ZNF804A: variants seen among roughly 807,000 people sequenced by gnomAD.
ZNF804A encodes the protein zinc finger protein 804A.
ZNF804A carries 2 observed loss-of-function variants against 16.5 expected under a neutral mutation model. The ratio of observed to expected loss-of-function variants is 0.12; its 90% CI spans 0.05 to 0.38. The LOEUF (loss-of-function observed/expected upper bound fraction) is 0.38, where lower values mean the gene tolerates loss of function less well. Ranked by LOEUF, ZNF804A falls within the 10% of genes least tolerant of loss-of-function variation. The pLI is 0.99. For synonymous variants in ZNF804A, 534 were observed against 489.6 expected, an observed-to-expected ratio of 1.09 and a Z score of -1.20; for missense variants, 1,473 against 1,390.7, an observed-to-expected ratio of 1.06 and a Z score of -0.94.
At chr2:184,817,035 T>C (rs1349331213) in intron 1 of ZNF804A, among the ~76,000 whole-genome samples, 1 of 151,996 alleles carries the variant, frequency 6.6e-6, no homozygotes, top group Non-Finnish European at 1.5e-5. Flanking sequence ...AAGAGGGCAG[T>C]ATTAACACTG....
chr2:184,920,791 C>T (rs1464160977), intron 2 of ZNF804A, among the ~76,000 whole-genome samples: 1 of 152,186 alleles, frequency 6.6e-6, no homozygotes, highest in Non-Finnish European at 1.5e-5. Context: ...CAATAAGAAG[C>T]CCAGGCTCTC....
intron 2 of ZNF804A, among the ~76,000 whole-genome samples, chr2:184,899,023 A>G (rs1291188999): frequency 6.6e-6 from 1 of 152,018 alleles, no homozygotes; most frequent in African/African-American, 2.4e-5. Context: ...GTTTGATTTT[A>G]TATTCATTAA....
At chr2:184,832,112 A>G (rs1306181265) in intron 1 of ZNF804A, among the ~76,000 whole-genome samples, 1 of 152,072 alleles carries the variant, frequency 6.6e-6, no homozygotes, top group Non-Finnish European at 1.5e-5. Flanking sequence ...CCAATTAACT[A>G]TGCAATTTGT....
chr2:184,664,215 A>G (rs1344161592), intron 1 of ZNF804A, among the ~76,000 whole-genome samples: 1 of 152,158 alleles, frequency 6.6e-6, no homozygotes, highest in African/African-American at 2.4e-5. Context: ...AAATGTTCAT[A>G]TATTATAAAG....
chr2:184,846,849 C>G (rs1415270666), intron 1 of ZNF804A, among the ~76,000 whole-genome samples: 1 of 151,984 alleles, frequency 6.6e-6, no homozygotes, highest in Non-Finnish European at 1.5e-5. Context: ...AACAGATGCC[C>G]CAATGAGGCA....
chr2:184,908,530 C>T lies in ZNF804A; in HGVS notation c.256-25073C>T, dbSNP rs115558148. 5.3e-3 allele frequency among the ~76,000 whole-genome samples: 807 copies of T among 152,124 alleles called. 9 individuals carry two copies. The highest frequency in any genetic ancestry group is 0.018 in the African/African-American group (766 of 41,514). On this transcript the variant is annotated intron_variant, in intron 2 of 3. Transcript: ENST00000302277. Reference sequence around the variant, plus strand: ...CATGATCTGGGGATTAGGAAATGAACATTTAAGGGGAACATTATTCTGTCT... The same window carrying T: ...CATGATCTGGGGATTAGGAAATGAATATTTAAGGGGAACATTATTCTGTCT...
At chr2:184,623,953 T>A (rs1691456404) in intron 1 of ZNF804A, among the ~76,000 whole-genome samples, 1 of 152,180 alleles carries the variant, frequency 6.6e-6, no homozygotes, top group Non-Finnish European at 1.5e-5. Context: ...AAGATACTTC[T>A]GGAATAATAT....
Position 184,937,652 on chromosome 2 carries a change from G to C in ZNF804A, c.2256G>C (p.Gln752His). 1 of 1,613,964 alleles carries C rather than the reference G, an allele frequency of 6.2e-7. No individual in the cohort carries two copies. The highest frequency in any genetic ancestry group is 8.5e-7 in the Non-Finnish European group (1 of 1,179,948). ...ATATGAAACACATGAGTCAGAATCA[G>C]GCTGTTAAAAGAGGTTACAATTCTG... ...QNDMKHMSQN[Q>H]AVKRGYNSVM... Residue 752 changes from glutamine to histidine, a missense_variant, in exon 4 of 4, where the codon CAG becomes CAC. By Grantham distance (24) the Gln-to-His change is conservative. Transcript: ENST00000302277.
At chr2:184,911,833 T>C (rs774740793) in intron 2 of ZNF804A, among the ~76,000 whole-genome samples, 2 of 152,010 alleles carry the variant, frequency 1.3e-5, no homozygotes, top group African/African-American at 2.4e-5. Flanking sequence ...TGTTCTGCAT[T>C]TTATTTCTTT....
intron 1 of ZNF804A, among the ~76,000 whole-genome samples, chr2:184,823,605 A>G (rs1695117855): frequency 6.6e-6 from 1 of 152,148 alleles, no homozygotes; most frequent in South Asian, 2.1e-4. Context: ...CAAATATGCC[A>G]TTAATGTGTG....
At chr2:184,798,766 T>C (rs1440296918) in intron 1 of ZNF804A, among the ~76,000 whole-genome samples, 1 of 152,150 alleles carries the variant, frequency 6.6e-6, no homozygotes, top group Non-Finnish European at 1.5e-5. Context: ...TTGGATCCAT[T>C]GCTGGTGAAT....
chr2:184,808,135 T>C (rs192150910), intron 1 of ZNF804A, among the ~76,000 whole-genome samples: 3 of 151,776 alleles, frequency 2.0e-5, no homozygotes, highest in Admixed American at 1.3e-4. Flanking sequence ...TAGAATTCTA[T>C]ACTTTTCATT....
chr2:184,875,650 C>A (rs895944734), intron 2 of ZNF804A, among the ~76,000 whole-genome samples: 1 of 151,660 alleles, frequency 6.6e-6, no homozygotes, highest in Admixed American at 6.6e-5. Flanking sequence ...CATCATAAAT[C>A]AGCAATATGT....
intron 3 of ZNF804A, among the ~76,000 whole-genome samples, chr2:184,934,793 A>T (rs1049879554): frequency 2.6e-5 from 4 of 152,160 alleles, no homozygotes; most frequent in Non-Finnish European, 5.9e-5. Context: ...TATAAAGCAC[A>T]TATTTTACAT....
intron 1 of ZNF804A, among the ~76,000 whole-genome samples, chr2:184,746,779 A>G (rs188273520): frequency 5.9e-5 from 9 of 151,590 alleles, no homozygotes; most frequent in Admixed American, 3.3e-4. Flanking sequence ...ATTAACTCCC[A>G]CAAATGAGTG....
At chr2:184,734,007 G>GT (rs1210651035) in intron 1 of ZNF804A, among the ~76,000 whole-genome samples, 2 of 151,766 alleles carry the variant, frequency 1.3e-5, no homozygotes, top group Non-Finnish European at 2.9e-5. Context: ...ATTTTAGCTG[G>GT]TTTTTTAGTA....
At chr2:184,919,032 G>A (rs1685492905) in intron 2 of ZNF804A, among the ~76,000 whole-genome samples, 1 of 152,202 alleles carries the variant, frequency 6.6e-6, no homozygotes, top group Admixed American at 6.5e-5. Flanking sequence ...AACATGGTAA[G>A]AGAAGTTAAT....
At position 184,901,969 on chromosome 2, in the gene ZNF804A, A is replaced by G. The variant is rs17618143; in HGVS notation, c.256-31634A>G. 68 of 152,200 alleles carry G rather than the reference A, an allele frequency of 4.5e-4. No homozygotes were observed. The East Asian group carries it at 6.9e-3, about 16-fold the overall frequency. 9.4% of individuals were successfully genotyped at this position (152,200 alleles called of 1,614,324 possible). ...AACTTTTTTAAAATCTCCAAATTAT[A>G]CACAAATTTAGCTACCTTTTTCTTC... On this transcript the variant is annotated intron_variant, in intron 2 of 3. Coordinates refer to ENST00000302277, the MANE Select transcript of ZNF804A (RefSeq NM_194250.2).
chr2:184,648,358 C>T (rs1691916848), intron 1 of ZNF804A, among the ~76,000 whole-genome samples: 1 of 152,082 alleles, frequency 6.6e-6, no homozygotes, highest in Admixed American at 6.5e-5. Context: ...GCAATAGAAA[C>T]TCAAGACCAA....
Sources: allele counts gnomAD v4.1 joint callset (sites outside exome capture counted in the v4.1 genomes callset), GRCh38; gene constraint gnomAD v4.1.1; transcripts MANE v1.5; gene names NCBI Gene and HGNC (gene_info 2026-07-23, HGNC 2026-07-21).